Variants in ABCA8 observed in about 807,000 individuals in gnomAD.
The protein encoded by ABCA8 is ABC-type organic anion transporter ABCA8.
ABCA8 carries 177 observed loss-of-function variants against 192.3 expected under a neutral mutation model. The observed-to-expected ratio is 0.92, with a 90% CI of 0.81 to 1.04. ABCA8 has a LOEUF of 1.04. ABCA8 is among the 50% of genes least tolerant of loss of function. The pLI is 0.00. For missense variants in ABCA8, 1,915 were observed against 1,904.8 expected (o/e 1.01, Z -0.10); for synonymous variants, 642 against 690.2 (o/e 0.93, Z 1.09).
At chr17:68,883,957 A>G in intron 28 of ABCA8, 75 bp from the exon 29 acceptor site, 1 of 921,062 alleles carries the variant, frequency 1.1e-6, no homozygotes, top group Non-Finnish European at 1.6e-6. Context: ...ACTAATAATA[A>G]CCGAACTTCT....
intron 24 of ABCA8, among the ~76,000 whole-genome samples, chr17:68,888,651 A>G (rs1567831612): frequency 1.3e-5 from 2 of 152,194 alleles, no homozygotes; most frequent in Non-Finnish European, 2.9e-5. Context: ...GAAGACATTT[A>G]AGTATCTCTA....
chr17:68,903,530 T>C, intron 19 of ABCA8, 31 bp from the exon 20 acceptor site: 1 of 1,602,836 alleles, frequency 6.2e-7, no homozygotes, highest in Non-Finnish European at 8.5e-7. Context: ...AACTCATATG[T>C]ACTTTATTGA....
At chr17:68,902,479 A>G (rs2066939938) in intron 21 of ABCA8, among the ~76,000 whole-genome samples, 1 of 152,198 alleles carries the variant, frequency 6.6e-6, no homozygotes, top group Non-Finnish European at 1.5e-5. Flanking sequence ...TAAAAATGCT[A>G]TTTTGGTACA....
At chr17:68,927,185 G>C (rs1399960487) in intron 10 of ABCA8, among the ~76,000 whole-genome samples, 1 of 152,126 alleles carries the variant, frequency 6.6e-6, no homozygotes, top group Non-Finnish European at 1.5e-5. Context: ...CTGAGCTGGA[G>C]AGGCAGAGGT....
intron 19 of ABCA8, among the ~76,000 whole-genome samples, chr17:68,904,281 C>CAA (rs112404597): frequency 4.3e-5 from 6 of 139,038 alleles, no homozygotes; most frequent in Non-Finnish European, 9.4e-5. Flanking sequence ...GACTCCATCT[C>CAA]AAAAAAAAGA....
At chr17:68,931,020 A>G (rs1276070729) in intron 7 of ABCA8, among the ~76,000 whole-genome samples, 3 of 152,114 alleles carry the variant, frequency 2.0e-5, no homozygotes, top group African/African-American at 2.4e-5. Context: ...CCCAGCCCCT[A>G]TTCACCATCC....
intron 21 of ABCA8, among the ~76,000 whole-genome samples, chr17:68,898,044 C>T (rs1007240727): frequency 3.6e-4 from 55 of 152,256 alleles, no homozygotes; most frequent in African/African-American, 1.3e-3. Context: ...CAAACCCAGA[C>T]ACATCAGAGT....
Position 68,922,244 on chromosome 17 carries a change from TTC to T in ABCA8, c.1497_1498del (p.Lys500ArgfsTer5). ...TTTTTTTTTTTTTTTTTTTTTACCT[TTC>T]AAGGCTTCTATTTTATCAGGCTTTC... On this transcript the variant is annotated frameshift_variant, in exon 12 of 40. Coordinates refer to ENST00000586539, the MANE Select transcript of ABCA8 (RefSeq NM_001288985.2). LOFTEE classifies it high-confidence loss of function. 2 of 750,448 alleles carry T rather than the reference TTC, an allele frequency of 2.7e-6. No homozygotes were observed. Among genetic ancestry groups the T allele is most frequent in the Non-Finnish European group, 3.8e-6 (2 of 525,958 alleles). The allele number at this position is 750,448 out of a possible 1,614,324, so 46.5% of individuals were successfully genotyped here. A position where few individuals can be genotyped will look rare whatever the true frequency, so the allele number is the denominator to read the frequency against.
chr17:68,881,073 AATCT>A (rs1321344479), intron 32 of ABCA8, 43 bp downstream of exon 32: 2 of 1,296,426 alleles, frequency 1.5e-6, no homozygotes, highest in South Asian at 2.4e-5. Flanking sequence ...AAATCTTATC[AATCT>A]ATTTCACCAT....
chr17:68,943,238 C>A (rs1000954260), intron 2 of ABCA8, among the ~76,000 whole-genome samples: 2 of 151,930 alleles, frequency 1.3e-5, no homozygotes, highest in Non-Finnish European at 2.9e-5. Flanking sequence ...TCACTTTAAT[C>A]GAATGTCATT....
At chr17:68,900,283 C>T (rs1355776145) in intron 21 of ABCA8, among the ~76,000 whole-genome samples, 1 of 151,730 alleles carries the variant, frequency 6.6e-6, no homozygotes, top group East Asian at 1.9e-4. Context: ...ACCAGTCTTA[C>T]AGATTAAAAG....
At position 68,911,893 on chromosome 17, in the gene ABCA8, A is replaced by C. The variant is rs1277163571; in HGVS notation, c.2139-4014T>G. 6.6e-6 allele frequency among the ~76,000 whole-genome samples: 1 copy of C among 152,202 alleles called. No individual in the cohort carries two copies. On this transcript the variant is annotated intron_variant, in intron 17 of 39. Transcript: ENST00000586539. This position sits in a 1 kb window ranked among gnomAD's most constrained non-coding sequence, Gnocchi z 5.7. The stretch of plus-strand genomic sequence containing the variant: ...AAGAATCACCATGTTACTGGATTTG[A>C]GGGTGCCCCCTAGTGCTGATACAGC...
chr17:68,910,389 G>A (rs560174458), intron 17 of ABCA8, among the ~76,000 whole-genome samples: 2 of 152,268 alleles, frequency 1.3e-5, no homozygotes, highest in Non-Finnish European at 2.9e-5. Flanking sequence ...GACAAGCAAC[G>A]TAGGGCAGAA....
At chr17:68,924,216 G>A (rs994993616) in intron 11 of ABCA8, among the ~76,000 whole-genome samples, 2 of 151,846 alleles carry the variant, frequency 1.3e-5, no homozygotes, top group East Asian at 1.9e-4. Context: ...CTTGGTGGTG[G>A]GTGCCTGTAA....
chr17:68,922,438 G>T, intron 11 of ABCA8, 138 bp from the exon 12 acceptor site: 1 of 586,498 alleles, frequency 1.7e-6, no homozygotes, highest in Non-Finnish European at 2.8e-6. Context: ...TCATAGCTGT[G>T]TGACAGAATC....
chr17:68,927,983 A>G lies in ABCA8; in HGVS notation c.1206T>C (p.Asn402=). The G allele has an allele frequency of 6.2e-7, 1 of 1,609,116 alleles. No individual in the cohort carries two copies. The highest frequency in any genetic ancestry group is 8.5e-7 in the Non-Finnish European group (1 of 1,178,346). ...SDGSNLIVAT[N]FMLAFDTCLY... ...GGCAAGTGTCAAATGCCAACATGAA[A>G]TTTGTTGCTACAATGAGATTTGAGC... Residue 402 remains asparagine, a synonymous_variant, in exon 10 of 40, where the codon AAT becomes AAC. Coordinates refer to ENST00000586539, the MANE Select transcript of ABCA8 (RefSeq NM_001288985.2).
intron 2 of ABCA8, among the ~76,000 whole-genome samples, chr17:68,946,712 G>A (rs1247704708): frequency 6.6e-6 from 1 of 152,168 alleles, no homozygotes; most frequent in Non-Finnish European, 1.5e-5. Flanking sequence ...GCTGAGGCAG[G>A]CGGATAACCT....
At chr17:68,876,409 G>C (rs753753317) in intron 35 of ABCA8, 51 bp downstream of exon 35, 1 of 1,610,432 alleles carries the variant, frequency 6.2e-7, no homozygotes, top group South Asian at 1.1e-5. Flanking sequence ...ATGGTTCACA[G>C]GCTCCATGCA....
At chr17:68,914,419 T>C (rs1020623616) in intron 17 of ABCA8, among the ~76,000 whole-genome samples, 3 of 152,046 alleles carry the variant, frequency 2.0e-5, no homozygotes, top group East Asian at 1.9e-4. Context: ...CAAAATGCTA[T>C]TAGAACTGAT....
Sources: gnomAD v4.1 joint callset for allele counts (sites outside exome capture counted in the v4.1 genomes callset) on GRCh38, gnomAD v4.1.1 for gene constraint, Gnocchi (gnomAD v3.1) non-coding constraint, MANE v1.5 for transcripts, NCBI Gene and HGNC (gene_info 2026-07-23, HGNC 2026-07-21) for gene names.